ZNF44: variants seen among roughly 807,000 people sequenced by gnomAD.
ZNF44 encodes the protein zinc finger protein 44.
In ZNF44, 9 loss-of-function variants were observed where a neutral mutation model predicts 11.7. That is an observed-to-expected ratio of 0.77 (90% confidence interval 0.46 to 1.35). The LOEUF (loss-of-function observed/expected upper bound fraction) is 1.35, where lower values mean the gene tolerates loss of function less well. Among genes scored for constraint, ZNF44 ranks in the 40% most tolerant of loss-of-function variants. The probability of loss-of-function intolerance (pLI) is 0.00; values close to 1 mark genes in which losing one functional copy is unlikely to be tolerated. For synonymous variants in ZNF44, 224 were observed against 242.7 expected (o/e 0.92, Z 0.72); for missense variants, 696 against 743.1 (o/e 0.94, Z 0.74).
At chr19:12,242,928 T>A (rs1916668866), downstream of ZNF44, 2 of 152,170 alleles carry the variant, frequency 1.3e-5, no homozygotes, top group Admixed American at 6.6e-5. Context: ...AAATATGCAC[T>A]GGATTGAATA....
At chr19:12,288,544 C>T (rs1049954186) in intron 1 of ZNF44, among the ~76,000 whole-genome samples, 4 of 151,446 alleles carry the variant, frequency 2.6e-5, no homozygotes, top group Non-Finnish European at 4.4e-5. Context: ...AAGTTTGAGA[C>T]CAGCCTGGCC....
intron 2 of ZNF44, 39 bp from the exon 3 acceptor site, chr19:12,275,072 C>T: frequency 7.0e-7 from 1 of 1,430,978 alleles, no homozygotes; most frequent in Non-Finnish European, 9.5e-7. Context: ...TAAATTATTA[C>T]AAAATGATAC....
rs558094757 is a variant in ZNF44 at position 12,232,099 on chromosome 19, C to A, written n.381-1584G>T. Among the ~76,000 whole-genome samples, 4 of 152,318 alleles carry A rather than the reference C, an allele frequency of 2.6e-5. No individual in the cohort carries two copies. In the South Asian group the frequency reaches 8.3e-4, roughly 32 times the overall value. ...AGCAGACAAATACGTGAACAAAGGT[C>A]TTTGCATCATAGTAAAGAATCAAGT... On this transcript the variant is annotated intron_variant and non_coding_transcript_variant, in intron 2 of 3. Transcript: ENST00000597563.
chr19:12,228,172 A>AC, intron 3 of ZNF44, among the ~76,000 whole-genome samples: 1 of 105,792 alleles, frequency 9.5e-6, no homozygotes, highest in African/African-American at 4.7e-5. Context: ...ACAATTGTTT[A>AC]ACTTAACTTT....
At chr19:12,240,535 A>C (rs905286072), upstream of ZNF44, among the ~76,000 whole-genome samples, 1 of 152,108 alleles carries the variant, frequency 6.6e-6, no homozygotes. Context: ...AAAAAGTTCA[A>C]AGACTCACGC....
At chr19:12,280,407 G>C (rs934658176) in intron 1 of ZNF44, among the ~76,000 whole-genome samples, 19 of 151,994 alleles carry the variant, frequency 1.3e-4, no homozygotes, top group African/African-American at 4.6e-4. Flanking sequence ...CATTAGTTGT[G>C]AATGCTATAC....
Position 12,284,561 on chromosome 19 carries a change from C to T in ZNF44, c.4-8479G>A, listed in dbSNP as rs1967642919. Reference sequence around the variant, plus strand: ...CCCTGGAGGAGATCTATCTCTTCTCCCTGCCCATCAAGGAATCTGAGATCA... The same window carrying T: ...CCCTGGAGGAGATCTATCTCTTCTCTCTGCCCATCAAGGAATCTGAGATCA... On this transcript the variant is annotated intron_variant, in intron 1 of 3. Transcript: ENST00000355684. 5 of 714,052 alleles carry T rather than the reference C, an allele frequency of 7.0e-6. No homozygotes were observed. In the East Asian group the frequency reaches 1.1e-4, roughly 15 times the overall value. The allele number at this position is 714,052 out of a possible 1,614,324, so 44.2% of individuals were successfully genotyped here.
chr19:12,266,207 G>A, intron 5 of ZNF44: 1 of 974,180 alleles, frequency 1.0e-6, no homozygotes, highest in Non-Finnish European at 1.2e-6. Flanking sequence ...GGAGGCCCGG[G>A]TCCCGCCACA....
intron 5 of ZNF44, chr19:12,260,156 C>A: frequency 1.3e-6 from 1 of 758,282 alleles, no homozygotes; most frequent in Non-Finnish European, 2.4e-6. Context: ...GATGGTCGTG[C>A]AGAACTGCTC....
intron 5 of ZNF44, among the ~76,000 whole-genome samples, chr19:12,255,271 A>G (rs1917198718): frequency 1.3e-5 from 2 of 152,210 alleles, no homozygotes; most frequent in South Asian, 4.1e-4. Context: ...AATTAAAACC[A>G]TAGTAAGCAA....
chr19:12,231,661 C>A (rs780798549), intron 2 of ZNF44, among the ~76,000 whole-genome samples: 3 of 152,142 alleles, frequency 2.0e-5, no homozygotes, highest in Non-Finnish European at 1.5e-5. Context: ...TGTAGGCCAG[C>A]TAATTTGTGG....
downstream of ZNF44, among the ~76,000 whole-genome samples, chr19:12,244,096 G>A (rs926163959): frequency 1.4e-4 from 21 of 151,972 alleles, no homozygotes; most frequent in African/African-American, 5.1e-4. Flanking sequence ...GGTTGGTGTC[G>A]AACTCCTGGA....
chr19:12,274,431 C>A (rs1342565517), intron 3 of ZNF44, among the ~76,000 whole-genome samples: 3 of 151,964 alleles, frequency 2.0e-5, no homozygotes, highest in Admixed American at 2.0e-4. Context: ...CACCACCACA[C>A]CCAGCTAATT....
chr19:12,258,100 G>A (rs1369310886), intron 5 of ZNF44, among the ~76,000 whole-genome samples: 1 of 142,360 alleles, frequency 7.0e-6, no homozygotes, highest in Non-Finnish European at 1.5e-5. Context: ...GAGGTAGGAG[G>A]ACTGCTTGAG....
chr19:12,275,046 T>A lies in ZNF44; in HGVS notation c.131-13A>T. On this transcript the variant is annotated splice_polypyrimidine_tract_variant and intron_variant, in intron 2 of 3. Transcript: ENST00000355684. ...TCCCATTTCATTCCTAAAAGAGAGA[T>A]CCAGAAAATTCACTATAAATTATTA... 1 of 1,557,674 alleles carries A rather than the reference T, an allele frequency of 6.4e-7. No individual in the cohort carries two copies. Among genetic ancestry groups the A allele is most frequent in the Non-Finnish European group, 8.7e-7 (1 of 1,152,910 alleles).
intron 1 of ZNF44, chr19:12,284,680 C>A: frequency 1.3e-6 from 1 of 748,342 alleles, no homozygotes; most frequent in Non-Finnish European, 2.3e-6. Context: ...AGGTTCAAGG[C>A]GTTTGTTGCC....
chr19:12,261,508 T>C (rs1411078962), intron 5 of ZNF44, among the ~76,000 whole-genome samples: 2 of 152,188 alleles, frequency 1.3e-5, no homozygotes, highest in Admixed American at 6.5e-5. Context: ...GGCATGTGAC[T>C]GTAGTCCTAG....
chr19:12,281,502 C>T (rs890786208), intron 1 of ZNF44, among the ~76,000 whole-genome samples: 1 of 152,112 alleles, frequency 6.6e-6, no homozygotes, highest in Non-Finnish European at 1.5e-5. Context: ...ACACCCTAAC[C>T]TTCCATTTTA....
Position 12,272,939 on chromosome 19 carries a change from T to C in ZNF44, c.1316A>G (p.His439Arg), listed in dbSNP as rs770131529. The change falls in exon 4 of 4, where the codon CAT (histidine) becomes CGT (arginine). Residue 439 changes from histidine (H) to arginine (R), a missense_variant. Transcript: ENST00000355684. ...TTGCTCTCCAGTGTGTGTTGTTTCATGTTTTCGAAGGGAACTGGAAGTACG... is the reference window on the plus strand; with the variant it reads ...TTGCTCTCCAGTGTGTGTTGTTTCACGTTTTCGAAGGGAACTGGAAGTACG... The part of the protein sequence containing the change: ...AFRTSSSLRK[H>R]ETTHTGEQPY... 5.0e-6 allele frequency: 8 copies of C among 1,614,022 alleles called. No homozygotes were observed. The highest frequency in any genetic ancestry group is 6.8e-6 in the Non-Finnish European group (8 of 1,180,050).
Sources: allele counts gnomAD v4.1 joint callset (sites outside exome capture counted in the v4.1 genomes callset), GRCh38; gene constraint gnomAD v4.1.1; transcripts MANE v1.5; gene names NCBI Gene and HGNC (gene_info 2026-07-23, HGNC 2026-07-21).